DGKB: variants seen among roughly 807,000 people sequenced by gnomAD.
DGKB encodes 90 kDa diacylglycerol kinase.
In DGKB, 67 loss-of-function variants were observed where a neutral mutation model predicts 114.3. The ratio of observed to expected loss-of-function variants is 0.59; its 90% CI spans 0.48 to 0.72. The LOEUF is 0.72. DGKB is among the 30% of genes least tolerant of loss of function. The pLI is 0.00. For synonymous variants in DGKB, 398 were observed against 323.1 expected (o/e 1.23, Z -2.49); for missense variants, 907 against 975.2 (o/e 0.93, Z 0.93).
intron 17 of DGKB, 126 bp downstream of exon 17, chr7:14,607,308 T>C: frequency 1.7e-6 from 1 of 590,282 alleles, no homozygotes; most frequent in Non-Finnish European, 3.0e-6. Flanking sequence ...ACGTAGTTGA[T>C]ATTTCATTTT....
chr7:14,950,147 G>A (rs1437647329), intron 1 of DGKB, among the ~76,000 whole-genome samples: 1 of 151,708 alleles, frequency 6.6e-6, no homozygotes, highest in Non-Finnish European at 1.5e-5. Context: ...AAGACAAAGA[G>A]AAAATCCAAC....
chr7:14,877,282 G>A (rs1310861758), intron 1 of DGKB, among the ~76,000 whole-genome samples: 1 of 152,160 alleles, frequency 6.6e-6, no homozygotes, highest in Non-Finnish European at 1.5e-5. Flanking sequence ...ATGGCCGGGT[G>A]TGGTGGCTCA....
chr7:14,841,456 A>C lies in DGKB; in HGVS notation c.-187-6T>G, dbSNP rs74872270. On this transcript the variant is annotated splice_region_variant and splice_polypyrimidine_tract_variant and intron_variant, in intron 1 of 25. Coordinates refer to ENST00000402815, the MANE Select transcript of DGKB (RefSeq NM_001350709.2). Reference sequence around the variant, plus strand: ...TTCAATAATGTGTTAAAGAACTGCAAAAAAAAAAAACAGATCAAGATCAAA... The same window carrying C: ...TTCAATAATGTGTTAAAGAACTGCACAAAAAAAAAACAGATCAAGATCAAA... 1 of 21,660 alleles carries C rather than the reference A, an allele frequency of 4.6e-5. No homozygotes were observed. The allele number at this position is 21,660 out of a possible 1,614,324, so 1.3% of individuals were successfully genotyped here. A position where few individuals can be genotyped will look rare whatever the true frequency, so the allele number is the denominator to read the frequency against.
At chr7:14,557,889 A>G (rs1796097256) in intron 20 of DGKB, among the ~76,000 whole-genome samples, 1 of 151,586 alleles carries the variant, frequency 6.6e-6, no homozygotes, top group South Asian at 2.1e-4. Context: ...AATTCTTAAA[A>G]TTATTTTCCT....
intron 1 of DGKB, among the ~76,000 whole-genome samples, chr7:14,889,218 C>A (rs1256214005): frequency 6.6e-6 from 1 of 151,606 alleles, no homozygotes; most frequent in Non-Finnish European, 1.5e-5. Flanking sequence ...AATAGATGCT[C>A]CCTGAGGCTT....
intron 23 of DGKB, among the ~76,000 whole-genome samples, chr7:14,326,626 C>T (rs1461602249): frequency 6.6e-6 from 1 of 152,110 alleles, no homozygotes; most frequent in Non-Finnish European, 1.5e-5. Flanking sequence ...TTCCCTTCTC[C>T]TGTCTATACA....
intron 2 of DGKB, among the ~76,000 whole-genome samples, chr7:14,798,518 T>C (rs1841723025): frequency 6.6e-6 from 1 of 152,232 alleles, no homozygotes; most frequent in Non-Finnish European, 1.5e-5. Flanking sequence ...TTCCATCCTG[T>C]TAAGCTGACT....
chr7:14,747,931 T>C (rs1833592473), intron 4 of DGKB, among the ~76,000 whole-genome samples: 1 of 152,194 alleles, frequency 6.6e-6, no homozygotes, highest in African/African-American at 2.4e-5. Flanking sequence ...CGCTGCCAAA[T>C]TGGCACAGAT....
intron 20 of DGKB, among the ~76,000 whole-genome samples, chr7:14,480,978 T>A (rs1385644451): frequency 6.6e-6 from 1 of 152,020 alleles, no homozygotes; most frequent in Non-Finnish European, 1.5e-5. Context: ...TACATTGCTT[T>A]TTATTATTTC....
At chr7:14,723,585 A>G (rs559729450) in intron 5 of DGKB, among the ~76,000 whole-genome samples, 25 of 148,724 alleles carry the variant, frequency 1.7e-4, no homozygotes, top group South Asian at 6.2e-4. Flanking sequence ...GTGTGTGTGT[A>G]TATACACATA....
chr7:14,716,848 G>A (rs989881971), intron 6 of DGKB, among the ~76,000 whole-genome samples: 1 of 152,082 alleles, frequency 6.6e-6, no homozygotes, highest in Admixed American at 6.6e-5. Context: ...GAGACCTACG[G>A]CATCATGTAT....
At chr7:14,276,973 T>C (rs913705729) in intron 23 of DGKB, among the ~76,000 whole-genome samples, 1 of 152,082 alleles carries the variant, frequency 6.6e-6, no homozygotes, top group Non-Finnish European at 1.5e-5. Flanking sequence ...AGTTAACATA[T>C]CTTTTTTGTG....
chr7:14,535,555 T>C (rs35423166), intron 20 of DGKB, among the ~76,000 whole-genome samples: 52,641 of 151,616 alleles, frequency 0.35, 9,627 homozygotes, highest in Admixed American at 0.45. Flanking sequence ...GAATAGAAAA[T>C]GATCAACAAA....
intron 23 of DGKB, among the ~76,000 whole-genome samples, chr7:14,265,299 CTG>C (rs1023866844): frequency 1.8e-5 from 2 of 111,350 alleles, no homozygotes; most frequent in African/African-American, 7.9e-5. Flanking sequence ...ATTTGGACTG[CTG>C]TCTTTTCTCT....
At chr7:14,321,217 G>A (rs1231313640) in intron 23 of DGKB, among the ~76,000 whole-genome samples, 5 of 152,180 alleles carry the variant, frequency 3.3e-5, no homozygotes, top group Non-Finnish European at 2.9e-5. Context: ...CTTGAGCCCA[G>A]GAGGCAGAGG....
intron 23 of DGKB, among the ~76,000 whole-genome samples, chr7:14,194,721 T>C (rs1784782716): frequency 6.6e-6 from 1 of 152,122 alleles, no homozygotes; most frequent in Non-Finnish European, 1.5e-5. Context: ...AGCCTGACTT[T>C]AAAAAGAACT....
chr7:14,283,195 C>A (rs1319423418), intron 23 of DGKB, among the ~76,000 whole-genome samples: 1 of 151,696 alleles, frequency 6.6e-6, no homozygotes, highest in Non-Finnish European at 1.5e-5. Flanking sequence ...GTGCAAAAAT[C>A]ACAAGCATTC....
intron 21 of DGKB, among the ~76,000 whole-genome samples, chr7:14,411,453 A>C (rs1824865033): frequency 6.6e-6 from 1 of 152,186 alleles, no homozygotes; most frequent in Non-Finnish European, 1.5e-5. Context: ...ATTAATATAA[A>C]ATCTCTGGAG....
rs73070769 is a variant in DGKB at position 14,811,341 on chromosome 7, G to A, written c.70+29853C>T. 1.4e-3 allele frequency among the ~76,000 whole-genome samples: 208 copies of A among 152,190 alleles called. 2 individuals carry two copies. In the Middle Eastern group the frequency reaches 0.021, roughly 15 times the overall value. Reference sequence around the variant, plus strand: ...TCCCACTTCAGTTTCCTGAGTAGCCGGGACTACAGGAGAACTCCACCACAC... The same window carrying A: ...TCCCACTTCAGTTTCCTGAGTAGCCAGGACTACAGGAGAACTCCACCACAC... On this transcript the variant is annotated intron_variant, in intron 2 of 25. Transcript: ENST00000402815.
Sources: gnomAD v4.1 joint callset for allele counts (sites outside exome capture counted in the v4.1 genomes callset) on GRCh38, gnomAD v4.1.1 for gene constraint, MANE v1.5 for transcripts, NCBI Gene and HGNC (gene_info 2026-07-23, HGNC 2026-07-21) for gene names.